Variants in RDH10 observed in about 807,000 individuals in gnomAD.
RDH10 encodes retinol dehydrogenase 10.
Under a neutral mutation model 30.2 loss-of-function variants are expected in RDH10, and 12 were observed. The observed-to-expected ratio is 0.40, with a 90% CI of 0.25 to 0.64. The LOEUF is 0.64. Among genes scored for constraint, RDH10 ranks in the 30% least tolerant of loss-of-function variants. RDH10 has a pLI of 0.43. For missense variants in RDH10, 268 were observed against 445.2 expected (o/e 0.60, Z 3.58); for synonymous variants, 189 against 172.2 (o/e 1.10, Z -0.76).
At chr8:73,322,625 A>G in intron 4 of RDH10, 54 bp from the exon 5 acceptor site, 2 of 1,411,904 alleles carry the variant, frequency 1.4e-6, no homozygotes, top group Non-Finnish European at 2.0e-6. Context: ...ATGTATTTCC[A>G]GTCTTTTCTA....
chr8:73,298,573 G>A (rs1382680423), intron 2 of RDH10, among the ~76,000 whole-genome samples: 1 of 152,010 alleles, frequency 6.6e-6, no homozygotes, highest in African/African-American at 2.4e-5. Flanking sequence ...CTGTCACCCA[G>A]GCTGAATGCA....
In RDH10 at chr8:73,295,227, T is replaced by A; in HGVS notation, c.-63T>A. On this transcript the variant is annotated 5_prime_UTR_variant, in exon 1 of 6. The change creates a new upstream start codon in the 5' untranslated region. Coordinates refer to ENST00000240285, the MANE Select transcript of RDH10 (RefSeq NM_172037.5). ...AAGCGCCCCGGAGCCGGGAGCCCGATTGCCGGGCTCGGGGTGGGCGCGGAC... is the reference window on the plus strand; with the variant it reads ...AAGCGCCCCGGAGCCGGGAGCCCGAATGCCGGGCTCGGGGTGGGCGCGGAC... The A allele has an allele frequency of 7.2e-7, 1 of 1,389,924 alleles. No individual in the cohort carries two copies. 86.1% of individuals were successfully genotyped at this position (1,389,924 alleles called of 1,614,324 possible). A position where few individuals can be genotyped will look rare whatever the true frequency, so the allele number is the denominator to read the frequency against.
Position 73,302,425 on chromosome 8 carries a change from C to A in RDH10, c.525+4996C>A, listed in dbSNP as rs374641264. On this transcript the variant is annotated intron_variant, in intron 2 of 5. Transcript: ENST00000240285. The stretch of plus-strand genomic sequence containing the variant: ...CTTGGGCGGGGTGCAGTGACTCAAG[C>A]CTGTAATCCCAACACTTTGGGAGGC... 4.6e-5 allele frequency among the ~76,000 whole-genome samples: 7 copies of A among 152,294 alleles called. No individual in the cohort carries two copies. The East Asian group carries it at 1.4e-3, about 29-fold the overall frequency.
At chr8:73,300,410 C>T (rs934140734) in intron 2 of RDH10, 2 of 151,930 alleles carry the variant, frequency 1.3e-5, no homozygotes, top group Admixed American at 6.6e-5. Flanking sequence ...GATGTGTTGA[C>T]GTTGGCATGT....
rs1212398042 is a variant in RDH10, at chr8:73,323,973, A to C, written c.*937A>C. On this transcript the variant is annotated 3_prime_UTR_variant, in exon 6 of 6. Transcript: ENST00000240285. ...CCTTGAATTTTTAATTTTATCTCTG[A>C]TATACTTCATTAAGTGTCTGGAGAC... 1 of 152,556 alleles carries C rather than the reference A, an allele frequency of 6.6e-6. No homozygotes were observed. Among genetic ancestry groups the C allele is most frequent in the Non-Finnish European group, 1.5e-5 (1 of 68,046 alleles). 9.5% of individuals were successfully genotyped at this position (152,556 alleles called of 1,614,324 possible).
chr8:73,305,911 T>A (rs1240656033), intron 2 of RDH10, among the ~76,000 whole-genome samples: 2 of 152,192 alleles, frequency 1.3e-5, no homozygotes, highest in African/African-American at 4.8e-5. Context: ...GAGATCAGAT[T>A]AAAATATGTT....
intron 2 of RDH10, among the ~76,000 whole-genome samples, chr8:73,318,036 G>A (rs908820707): frequency 1.3e-5 from 2 of 150,324 alleles, no homozygotes; most frequent in Admixed American, 1.4e-4. Context: ...CCTTAAGTCT[G>A]CTTTGTAGTG....
intron 2 of RDH10, 38 bp downstream of exon 2, chr8:73,297,467 C>T: frequency 7.0e-7 from 1 of 1,436,850 alleles, no homozygotes; most frequent in Non-Finnish European, 9.8e-7. Context: ...GCTGGGCCCT[C>T]CTTAATGAGA....
In RDH10 at chr8:73,306,892, G is replaced by A. The variant is rs4401855; in HGVS notation, c.525+9463G>A. Among the ~76,000 whole-genome samples, 11 of 152,340 alleles carry A rather than the reference G, an allele frequency of 7.2e-5. No homozygotes were observed. The East Asian group carries it at 2.1e-3, about 29-fold the overall frequency. ...AATAGGGCTCAAAATAACATAAGTGGTACTTATGTAAACACATGGGTATTT... is the reference window on the plus strand; with the variant it reads ...AATAGGGCTCAAAATAACATAAGTGATACTTATGTAAACACATGGGTATTT... On this transcript the variant is annotated intron_variant, in intron 2 of 5. Transcript: ENST00000240285.
intron 2 of RDH10, chr8:73,311,317 T>C (rs1814560545): frequency 6.6e-6 from 1 of 152,188 alleles, no homozygotes; most frequent in Non-Finnish European, 1.5e-5. Context: ...TACAGACAAA[T>C]TGAGTTTTAA....
intron 2 of RDH10, 83 bp from the exon 3 acceptor site, chr8:73,319,013 A>G (rs937264553): frequency 2.5e-6 from 2 of 810,512 alleles, no homozygotes; most frequent in Non-Finnish European, 4.1e-6. Flanking sequence ...CATGTGAATA[A>G]AAGTTTGTTT....
intron 1 of RDH10, chr8:73,295,799 GT>G: frequency 8.9e-7 from 1 of 1,128,986 alleles, no homozygotes; most frequent in Non-Finnish European, 1.1e-6. Flanking sequence ...CGGAGGTTCG[GT>G]CTCTGGGGAC....
In RDH10 at chr8:73,294,873, C is replaced by T. The variant is rs914064718; in HGVS notation, c.-417C>T. 1.3e-5 allele frequency: 5 copies of T among 393,118 alleles called. No homozygotes were observed. Among genetic ancestry groups the T allele is most frequent in the Middle Eastern group, 6.4e-4 (1 of 1,566 alleles). The allele number at this position is 393,118 out of a possible 1,614,324, so 24.4% of individuals were successfully genotyped here. A position where few individuals can be genotyped will look rare whatever the true frequency, so the allele number is the denominator to read the frequency against. On this transcript the variant is annotated 5_prime_UTR_variant, in exon 1 of 6. Coordinates refer to ENST00000240285, the MANE Select transcript of RDH10 (RefSeq NM_172037.5). ...GTGCCGCCTCCGCTGCGCACCCCTC[C>T]CCCGGGGTGAGAGGGAGCCGGCGCG...
rs1052948156 is a variant in RDH10, at chr8:73,323,593, G to A, written c.*557G>A. The A allele has an allele frequency of 6.6e-6, 1 of 152,300 alleles. No individual in the cohort carries two copies. Among genetic ancestry groups the A allele is most frequent in the African/African-American group, 2.4e-5 (1 of 41,266 alleles). The allele number at this position is 152,300 out of a possible 1,614,324, so 9.4% of individuals were successfully genotyped here. On this transcript the variant is annotated 3_prime_UTR_variant, in exon 6 of 6. Transcript: ENST00000240285. ...CAACTGAAGTAAATGATGTCTGAGT[G>A]TTACAGTAAAGGTGACCAAGTCTCT...
chr8:73,306,809 T>G (rs1019874436), intron 2 of RDH10, among the ~76,000 whole-genome samples: 16 of 152,238 alleles, frequency 1.1e-4, no homozygotes, highest in Admixed American at 2.6e-4. Context: ...CTTCAAATAG[T>G]TTAGTACTGG....
chr8:73,322,295 T>A (rs1459303173), intron 4 of RDH10: 4 of 307,220 alleles, frequency 1.3e-5, no homozygotes, highest in Non-Finnish European at 2.5e-5. Context: ...CACCCTCATT[T>A]TGACTACAAC....
rs752747246 is a variant in RDH10 at position 73,322,780 on chromosome 8, G to T, written c.872G>T (p.Arg291Leu). ...LTDQPMICTP[R>L]LMYIVTFMKS... ...GACCAGCCCATGATCTGCACTCCCC[G>T]CCTCATGTACATCGTGACCTTCATG... Residue 291 changes from arginine to leucine, a missense_variant, in exon 5 of 6, where the codon CGC (arginine) becomes CTC (leucine). Physicochemically the swap from Arg to Leu is moderately radical, Grantham distance 102. This residue lies in a region of RDH10 where 136 missense variants were observed against 288.8 expected (regional missense o/e 0.47). Transcript: ENST00000240285. 6.2e-7 allele frequency: 1 copy of T among 1,614,006 alleles called. No homozygotes were observed. The highest frequency in any genetic ancestry group is 8.5e-7 in the Non-Finnish European group (1 of 1,180,026).
chr8:73,318,180 G>A (rs758721714), intron 2 of RDH10, among the ~76,000 whole-genome samples: 2 of 152,140 alleles, frequency 1.3e-5, no homozygotes, highest in Non-Finnish European at 2.9e-5. Flanking sequence ...TTGGGAGCCT[G>A]GTGGAGTAGT....
At chr8:73,309,715 A>G (rs990095380) in intron 2 of RDH10, among the ~76,000 whole-genome samples, 1 of 151,652 alleles carries the variant, frequency 6.6e-6, no homozygotes, top group Non-Finnish European at 1.5e-5. Flanking sequence ...TCACTGGAGT[A>G]TACGGGACTT....
Sources: allele counts gnomAD v4.1 joint callset (sites outside exome capture counted in the v4.1 genomes callset), GRCh38; gene constraint gnomAD v4.1.1; regional missense constraint gnomAD v4.1.1; transcripts MANE v1.5; gene names NCBI Gene and HGNC (gene_info 2026-07-23, HGNC 2026-07-21).